The following STK32C variants were observed in gnomAD, a reference collection of about 807,000 sequenced individuals.
STK32C encodes serine/threonine kinase 32C.
In STK32C, 31 loss-of-function variants were observed where a neutral mutation model predicts 56.5. That is an observed-to-expected ratio of 0.55 (90% CI 0.41 to 0.74). The LOEUF (loss-of-function observed/expected upper bound fraction) is 0.74, where lower values mean the gene tolerates loss of function less well. Ranked by LOEUF, STK32C falls within the 30% of genes least tolerant of loss-of-function variation. The pLI, the probability that STK32C is intolerant of heterozygous loss-of-function variation, is 0.00. For missense variants in STK32C, 544 were observed against 676.9 expected (o/e 0.80, Z 2.18); for synonymous variants, 309 against 289.4 (o/e 1.07, Z -0.69).
intron 1 of STK32C, among the ~76,000 whole-genome samples, chr10:132,254,243 A>G (rs947929602): frequency 2.0e-5 from 3 of 152,148 alleles, no homozygotes; most frequent in African/African-American, 7.2e-5. Context: ...CGGGAGGCAG[A>G]GGTTGCAGTG....
At chr10:132,220,255 G>A (rs936429987) in intron 10 of STK32C, among the ~76,000 whole-genome samples, 6 of 152,242 alleles carry the variant, frequency 3.9e-5, no homozygotes, top group African/African-American at 1.2e-4. Flanking sequence ...ACGCGGCAGC[G>A]AAGCAGGGGC....
At chr10:132,331,429 C>A (rs2066731321) in intron 1 of STK32C, 1 of 1,607,176 alleles carries the variant, frequency 6.2e-7, no homozygotes, top group African/African-American at 1.3e-5. Context: ...TTCCTCAGGA[C>A]ACTCACTGCG....
chr10:132,275,668 C>T (rs1377901462), intron 1 of STK32C, among the ~76,000 whole-genome samples: 2 of 152,224 alleles, frequency 1.3e-5, no homozygotes, highest in African/African-American at 4.8e-5. Context: ...CCGTCACTGA[C>T]GCATCATGCC....
chr10:132,247,329 C>T (rs1386554964), intron 1 of STK32C, among the ~76,000 whole-genome samples: 1 of 152,212 alleles, frequency 6.6e-6, no homozygotes, highest in African/African-American at 2.4e-5. Context: ...CTTCCCAGGG[C>T]ACCCCAGGAT....
chr10:132,326,735 G>A (rs929944972), intron 1 of STK32C, among the ~76,000 whole-genome samples: 9 of 152,064 alleles, frequency 5.9e-5, no homozygotes, highest in Non-Finnish European at 8.8e-5. Context: ...ACTAGGAAGC[G>A]CGCCCAGTCC....
Position 132,245,932 on chromosome 10 carries a change from G to T in STK32C, c.286C>A (p.Leu96Ile). Residue 96 changes from leucine (L) to isoleucine (I), a missense_variant, in exon 2 of 12, where the codon CTT becomes ATT. Leu to Ile is a conservative substitution (Grantham distance 5). Around this residue, in one of 3 missense-constraint regions of STK32C, gnomAD observed 182 missense variants for 217.7 expected, o/e 0.84. Transcript: ENST00000298630. ...AAGCTGCCCTTCCCAATGGCCCGAAGGATCTGGAAGTGGTCGAAGTTCACT... is the reference window on the plus strand; with the variant it reads ...AAGCTGCCCTTCCCAATGGCCCGAATGATCTGGAAGTGGTCGAAGTTCACT... ...EDVNFDHFQI[L>I]RAIGKGSFGK... 1 of 1,613,610 alleles carries T rather than the reference G, an allele frequency of 6.2e-7. No homozygotes were observed. Among genetic ancestry groups the T allele is most frequent in the Non-Finnish European group, 8.5e-7 (1 of 1,180,020 alleles).
chr10:132,249,305 C>T (rs537418669), intron 1 of STK32C, among the ~76,000 whole-genome samples: 5 of 152,228 alleles, frequency 3.3e-5, no homozygotes, highest in Admixed American at 6.5e-5. Flanking sequence ...ACACAACTGT[C>T]CCTGCTTCCT....
At chr10:132,219,352 A>C (rs1306747284) in intron 10 of STK32C, among the ~76,000 whole-genome samples, 1 of 151,928 alleles carries the variant, frequency 6.6e-6, no homozygotes, top group Non-Finnish European at 1.5e-5. Context: ...CCAACCCAAG[A>C]CAAAGCCGAG....
intron 1 of STK32C, among the ~76,000 whole-genome samples, chr10:132,268,796 CGT>C (rs765716979): frequency 1.9e-4 from 18 of 94,986 alleles, no homozygotes; most frequent in South Asian, 3.8e-4. Flanking sequence ...TGTCCCACAT[CGT>C]GTGTGTGTGT....
At chr10:132,223,691 C>A (rs886405947) in intron 8 of STK32C, among the ~76,000 whole-genome samples, 1 of 152,212 alleles carries the variant, frequency 6.6e-6, no homozygotes, top group African/African-American at 2.4e-5. Flanking sequence ...TGCTTGGCTA[C>A]AATTCCAGGG....
At chr10:132,294,612 C>T (rs1215109356) in intron 1 of STK32C, among the ~76,000 whole-genome samples, 1 of 152,218 alleles carries the variant, frequency 6.6e-6, no homozygotes, top group Non-Finnish European at 1.5e-5. Context: ...CACGAACATG[C>T]ATGGCTCACT....
intron 1 of STK32C, among the ~76,000 whole-genome samples, chr10:132,276,978 T>C (rs2065014183): frequency 6.6e-6 from 1 of 152,152 alleles, no homozygotes; most frequent in Non-Finnish European, 1.5e-5. Context: ...CCTCCTCCAT[T>C]CCTCCTTCCA....
downstream of STK32C, chr10:132,323,973 G>A (rs746728857): frequency 4.5e-5 from 20 of 440,722 alleles, no homozygotes; most frequent in African/African-American, 2.1e-4. The surrounding 1 kb of genome is among the most constrained non-coding windows in gnomAD (Gnocchi z 4.8). Context: ...CGGAGAGAGC[G>A]GGAAGCCACT....
intron 11 of STK32C, 131 bp from the exon 12 acceptor site, chr10:132,208,282 C>G: frequency 8.9e-7 from 1 of 1,122,040 alleles, no homozygotes; most frequent in Non-Finnish European, 1.1e-6. Context: ...GGCTCGGTGT[C>G]TGCTGGAGAG....
chr10:132,234,763 G>A (rs1022393932), intron 2 of STK32C, among the ~76,000 whole-genome samples: 4 of 152,222 alleles, frequency 2.6e-5, no homozygotes, highest in Non-Finnish European at 4.4e-5. Flanking sequence ...TGCTGGGGGG[G>A]CCTTGGGGGT....
Position 132,221,903 on chromosome 10 carries a change from A to G in STK32C, c.1251+738T>C, listed in dbSNP as rs569895336. Among the ~76,000 whole-genome samples the G allele has an allele frequency of 3.0e-3, 213 of 70,652 alleles. 4 individuals carry two copies. The South Asian group carries it at 0.082, about 27-fold the overall frequency. The allele number at this position is 70,652 out of a possible 152,430, so 46.4% of individuals were successfully genotyped here. On this transcript the variant is annotated intron_variant, in intron 10 of 11. Coordinates refer to ENST00000298630, the MANE Select transcript of STK32C (RefSeq NM_173575.4). Reference sequence around the variant, plus strand: ...ACAACTAATATCAACGCACCTGGGCAAGTGTGAGGGCTTCACGTGGCCATC... The same window carrying G: ...ACAACTAATATCAACGCACCTGGGCGAGTGTGAGGGCTTCACGTGGCCATC...
chr10:132,227,513 T>G (rs1590184624), intron 3 of STK32C, among the ~76,000 whole-genome samples: 1 of 151,814 alleles, frequency 6.6e-6, no homozygotes, highest in African/African-American at 2.4e-5. Flanking sequence ...GTCGTGGTGG[T>G]GGTGGTAATG....
chr10:132,240,737 G>C (rs2063471692), intron 2 of STK32C, among the ~76,000 whole-genome samples: 1 of 152,060 alleles, frequency 6.6e-6, no homozygotes, highest in Admixed American at 6.5e-5. Context: ...TGGGGTGAGG[G>C]GTGCGCAGGG....
At chr10:132,242,184 A>C (rs1037382789) in intron 2 of STK32C, among the ~76,000 whole-genome samples, 2 of 151,876 alleles carry the variant, frequency 1.3e-5, no homozygotes, top group African/African-American at 2.4e-5. Flanking sequence ...TGAATGAGGC[A>C]GTGCTGGGTG....
Sources: allele counts gnomAD v4.1 joint callset (sites outside exome capture counted in the v4.1 genomes callset), GRCh38; gene constraint gnomAD v4.1.1; regional missense constraint gnomAD v4.1.1; non-coding constraint Gnocchi (gnomAD v3.1); transcripts MANE v1.5; gene names NCBI Gene and HGNC (gene_info 2026-07-23, HGNC 2026-07-21).